The following RTL4 variants were observed in gnomAD, a reference collection of about 807,000 sequenced individuals.
The protein encoded by RTL4 is retrotransposon Gag like 4, also known as retrotransposon Gag-like protein 4.
Under a neutral mutation model 5.3 loss-of-function variants are expected in RTL4, and 4 were observed. The ratio of observed to expected loss-of-function variants is 0.75; its 90% confidence interval spans 0.37 to 1.72. The LOEUF (loss-of-function observed/expected upper bound fraction) is 1.72, where lower values mean the gene tolerates loss of function less well. Ranked by LOEUF, RTL4 falls within the 40% of genes most tolerant of loss-of-function variation. The probability of loss-of-function intolerance (pLI) is 0.04; values close to 1 mark genes in which losing one functional copy is unlikely to be tolerated. For synonymous variants in RTL4, 98 were observed against 87.3 expected (o/e 1.12, Z -0.68); for missense variants, 260 against 227.1 (o/e 1.14, Z -0.93).
the RTL4 span, among the ~76,000 whole-genome samples, chrX:112,320,603 G>A: frequency 9.0e-6 from 1 of 110,993 alleles, no homozygotes; most frequent in Non-Finnish European, 1.9e-5. Flanking sequence ...TGGAAGTAAA[G>A]AAAAAGAAAC....
At chrX:112,350,506 G>C in the RTL4 span, among the ~76,000 whole-genome samples, 1 of 110,534 alleles carries the variant, frequency 9.0e-6, no homozygotes, top group African/African-American at 3.3e-5. Flanking sequence ...GACTCTTTTT[G>C]GTTGGTAAGC....
the RTL4 span, among the ~76,000 whole-genome samples, chrX:112,204,135 G>A: frequency 0.18 from 20,194 of 111,930 alleles, 1,348 homozygotes; most frequent in Non-Finnish European, 0.2. Context: ...ATATCATCTC[G>A]CACCAGTTAA....
the RTL4 span, among the ~76,000 whole-genome samples, chrX:112,428,235 G>T: frequency 8.9e-6 from 1 of 111,755 alleles, no homozygotes; most frequent in Admixed American, 9.5e-5. Context: ...ATAAACGTGT[G>T]CACATTCATC....
At chrX:112,180,204 G>A in the RTL4 span, among the ~76,000 whole-genome samples, 2 of 111,242 alleles carry the variant, frequency 1.8e-5, no homozygotes, top group Non-Finnish European at 3.8e-5. Context: ...CAGAAAGGGA[G>A]AAAATTCCCA....
At chrX:112,269,218 C>A in the RTL4 span, among the ~76,000 whole-genome samples, 1 of 112,057 alleles carries the variant, frequency 8.9e-6, no homozygotes, top group Non-Finnish European at 1.9e-5. Flanking sequence ...CTTTTCATGT[C>A]CCTTATCTGA....
the RTL4 span, among the ~76,000 whole-genome samples, chrX:112,311,031 G>T: frequency 6.6e-4 from 70 of 106,758 alleles, no homozygotes; most frequent in African/African-American, 2.4e-3. Flanking sequence ...AACTTGAGAT[G>T]AAGTTTAAGA....
At chrX:112,221,701 G>C in the RTL4 span, among the ~76,000 whole-genome samples, 1 of 112,482 alleles carries the variant, frequency 8.9e-6, no homozygotes, top group African/African-American at 3.2e-5. Context: ...TGTAAATCAC[G>C]TAAACTGAGA....
the RTL4 span, among the ~76,000 whole-genome samples, chrX:112,131,227 T>TC: frequency 1.1e-4 from 12 of 110,334 alleles, no homozygotes; most frequent in Non-Finnish European, 1.7e-4. Flanking sequence ...ACCTTTTTTT[T>TC]TTTTTACCAG....
At chrX:112,296,360 C>T in the RTL4 span, among the ~76,000 whole-genome samples, 1 of 111,331 alleles carries the variant, frequency 9.0e-6, no homozygotes, top group African/African-American at 3.3e-5. Flanking sequence ...TTCTAGAATT[C>T]CTGAACGTGT....
the RTL4 span, among the ~76,000 whole-genome samples, chrX:112,086,739 C>T: frequency 8.9e-6 from 1 of 112,222 alleles, no homozygotes; most frequent in African/African-American, 3.2e-5. Flanking sequence ...CAGGAACCAA[C>T]AATTAGCACA....
At chrX:112,186,808 A>G in the RTL4 span, among the ~76,000 whole-genome samples, 1 of 111,923 alleles carries the variant, frequency 8.9e-6, no homozygotes, top group African/African-American at 3.3e-5. Flanking sequence ...AATATTTTCC[A>G]TTTGTCCCTT....
At chrX:112,271,292 G>A in the RTL4 span, among the ~76,000 whole-genome samples, 1 of 113,118 alleles carries the variant, frequency 8.8e-6, no homozygotes, top group Non-Finnish European at 1.9e-5. Flanking sequence ...GCTCAGTTTC[G>A]AGATCGATCT....
At chrX:112,249,369 G>A in the RTL4 span, among the ~76,000 whole-genome samples, 1 of 110,942 alleles carries the variant, frequency 9.0e-6, no homozygotes, top group Admixed American at 9.6e-5. Context: ...CAGACCAAGG[G>A]GTTCTGAGTA....
At chrX:112,120,931 G>T in the RTL4 span, among the ~76,000 whole-genome samples, 3 of 111,224 alleles carry the variant, frequency 2.7e-5, no homozygotes, top group Admixed American at 2.9e-4. Context: ...TGCTCTTGCT[G>T]CCACTAGTTG....
the RTL4 span, among the ~76,000 whole-genome samples, chrX:112,175,656 A>G: frequency 4.3e-4 from 48 of 111,453 alleles, no homozygotes; most frequent in African/African-American, 1.6e-3. Flanking sequence ...AGATGCAGAA[A>G]AGGCCTTTGA....
At chrX:112,352,807 C>A in the RTL4 span, among the ~76,000 whole-genome samples, 829 of 111,641 alleles carry the variant, frequency 7.4e-3, 11 homozygotes, top group African/African-American at 0.026. Flanking sequence ...AAAGCAATGG[C>A]AACAAAAGAC....
the RTL4 span, among the ~76,000 whole-genome samples, chrX:112,377,042 T>A: frequency 8.9e-6 from 1 of 112,025 alleles, no homozygotes; most frequent in Non-Finnish European, 1.9e-5. Context: ...AAGTGGGAGA[T>A]AAACTCTATA....
At chrX:112,347,138 C>A in the RTL4 span, among the ~76,000 whole-genome samples, 374 of 111,646 alleles carry the variant, frequency 3.3e-3, 2 homozygotes, top group African/African-American at 0.011. Context: ...CCCATTTCTT[C>A]CTCTCCAAAT....
upstream of RTL4, among the ~76,000 whole-genome samples, chrX:112,450,292 A>C (rs932752590): frequency 1.8e-5 from 2 of 112,463 alleles, no homozygotes; most frequent in African/African-American, 6.5e-5. Flanking sequence ...AATGACCTGT[A>C]ATAATTTACC....
Sources: allele counts gnomAD v4.1 joint callset (sites outside exome capture counted in the v4.1 genomes callset), GRCh38; gene constraint gnomAD v4.1.1; transcripts MANE v1.5; gene names NCBI Gene and HGNC (gene_info 2026-07-23, HGNC 2026-07-21).